Variants in NKD1 observed in about 807,000 individuals in gnomAD.
NKD1 encodes NKD inhibitor of Wnt signaling pathway 1, also known as protein naked cuticle homolog 1.
In NKD1, 21 loss-of-function variants were observed where a neutral mutation model predicts 56.0. The observed-to-expected ratio is 0.38, with a 90% CI of 0.27 to 0.54. The LOEUF (loss-of-function observed/expected upper bound fraction) is 0.54, where lower values mean the gene tolerates loss of function less well. Among genes scored for constraint, NKD1 ranks in the 20% least tolerant of loss-of-function variants. The pLI is 0.82. For synonymous variants in NKD1, 263 were observed against 265.7 expected (o/e 0.99, Z 0.10); for missense variants, 578 against 642.7 (o/e 0.90, Z 1.09).
chr16:50,574,189 C>G (rs1442460212), intron 3 of NKD1: 1 of 983,868 alleles, frequency 1.0e-6, no homozygotes, highest in Non-Finnish European at 1.2e-6. Flanking sequence ...TTCTACCTCA[C>G]CACTACCTCT....
At chr16:50,589,746 TC>T (rs1961315095) in intron 3 of NKD1, among the ~76,000 whole-genome samples, 1 of 94,038 alleles carries the variant, frequency 1.1e-5, no homozygotes, top group Non-Finnish European at 2.1e-5. Flanking sequence ...TCTCTTCTCT[TC>T]TCTTCTCTTC....
intron 3 of NKD1, among the ~76,000 whole-genome samples, chr16:50,568,645 C>T (rs1021125886): frequency 2.6e-5 from 4 of 152,096 alleles, no homozygotes; most frequent in South Asian, 2.1e-4. Flanking sequence ...TGCAGTGGGC[C>T]GGCGCACTGG....
intron 3 of NKD1, chr16:50,573,870 G>A (rs913977253): frequency 2.3e-5 from 23 of 985,400 alleles, no homozygotes; most frequent in Admixed American, 6.1e-5. Flanking sequence ...GAGCAGGGGC[G>A]GGGGTGAGGG....
rs1419982347 is a variant in NKD1 at position 50,641,357 on chromosome 16, C to T, written c.*7576C>T. The stretch of plus-strand genomic sequence containing the variant: ...CCTGCCTTCCTGTCCCCTGCCCACT[C>T]TAAGCCTCCAGAAGTCAATCCTCTG... On this transcript the variant is annotated 3_prime_UTR_variant, in exon 10 of 10. Transcript: ENST00000268459. 1.3e-5 allele frequency: 2 copies of T among 152,344 alleles called. No homozygotes were observed. The highest frequency in any genetic ancestry group is 4.8e-5 in the African/African-American group (2 of 41,470). 9.4% of individuals were successfully genotyped at this position (152,344 alleles called of 1,614,324 possible).
intron 3 of NKD1, among the ~76,000 whole-genome samples, chr16:50,565,039 G>T (rs915966965): frequency 2.6e-5 from 4 of 152,182 alleles, no homozygotes; most frequent in Non-Finnish European, 4.4e-5. Context: ...ATTGGTATTT[G>T]CAGGTTAATT....
In NKD1 at chr16:50,632,140, G is replaced by A. The variant is rs1448158209; in HGVS notation, c.696-141G>A. The A allele has an allele frequency of 4.0e-6, 3 of 753,298 alleles. No individual in the cohort carries two copies. The highest frequency in any genetic ancestry group is 3.5e-5 in the African/African-American group (2 of 56,974). 46.7% of individuals were successfully genotyped at this position (753,298 alleles called of 1,614,324 possible). A position where few individuals can be genotyped will look rare whatever the true frequency, so the allele number is the denominator to read the frequency against. ...GGAGGCACAGTTCGTATAGAGGACT[G>A]TTCCTCCCCACCCTCTCCAAAGGCC... On this transcript the variant is annotated intron_variant, in intron 8 of 9. Coordinates refer to ENST00000268459, the MANE Select transcript of NKD1 (RefSeq NM_033119.5). The surrounding 1 kb of genome is among the most constrained non-coding windows in gnomAD (Gnocchi z 4.1).
At chr16:50,582,290 C>T (rs1961134275) in intron 3 of NKD1, among the ~76,000 whole-genome samples, 1 of 152,184 alleles carries the variant, frequency 6.6e-6, no homozygotes, top group South Asian at 2.1e-4. Context: ...ACAGCAGTCC[C>T]TCAGGTCTGT....
chr16:50,618,771 TC>T (rs1167981618), intron 4 of NKD1, among the ~76,000 whole-genome samples: 1 of 152,132 alleles, frequency 6.6e-6, no homozygotes, highest in Non-Finnish European at 1.5e-5. Flanking sequence ...CCTGTGGATG[TC>T]CGTGTGGCTT....
At chr16:50,594,338 A>G (rs1961429949) in intron 3 of NKD1, among the ~76,000 whole-genome samples, 1 of 152,182 alleles carries the variant, frequency 6.6e-6, no homozygotes, top group Non-Finnish European at 1.5e-5. Flanking sequence ...CCAGCTTGCA[A>G]TTCATTGGCC....
intron 4 of NKD1, among the ~76,000 whole-genome samples, chr16:50,608,605 C>G (rs1246242033): frequency 6.6e-6 from 1 of 152,160 alleles, no homozygotes; most frequent in Non-Finnish European, 1.5e-5. Context: ...TGGCCCTGCA[C>G]CGGATTAGCT....
chr16:50,623,418 C>T lies in NKD1; in HGVS notation c.366+1710C>T, dbSNP rs1962137637. ...CTTCTTCCTGGAGCCCAGCCCCGCC[C>T]TAAGCCCACCTGGGTCCTTGTAGGG... On this transcript the variant is annotated intron_variant, in intron 5 of 9. Coordinates refer to ENST00000268459, the MANE Select transcript of NKD1 (RefSeq NM_033119.5). The surrounding 1 kb of genome is among the most constrained non-coding windows in gnomAD (Gnocchi z 4.1). Among the ~76,000 whole-genome samples, 1 of 152,158 alleles carries T rather than the reference C, an allele frequency of 6.6e-6. No homozygotes were observed. The highest frequency in any genetic ancestry group is 6.5e-5 in the Admixed American group (1 of 15,288).
intron 3 of NKD1, among the ~76,000 whole-genome samples, chr16:50,573,636 G>A (rs993249999): frequency 8.5e-5 from 13 of 152,308 alleles, no homozygotes; most frequent in African/African-American, 3.1e-4. Flanking sequence ...CAGATGTACC[G>A]CTTCCTGAGG....
chr16:50,622,922 T>TGGGGTAAC (rs1555491415), intron 5 of NKD1, among the ~76,000 whole-genome samples: 1 of 151,800 alleles, frequency 6.6e-6, no homozygotes, highest in Admixed American at 6.6e-5. Context: ...CCGAGGGGTG[T>TGGGGTAAC]GGGGTAACGG....
At chr16:50,612,320 G>C (rs1022367267) in intron 4 of NKD1, among the ~76,000 whole-genome samples, 1 of 152,210 alleles carries the variant, frequency 6.6e-6, no homozygotes, top group African/African-American at 2.4e-5. Flanking sequence ...TTCATCTGTA[G>C]TTGGAAAACT....
chr16:50,630,267 C>T lies in NKD1; in HGVS notation c.544C>T (p.Arg182Trp), dbSNP rs377648064. Residue 182 changes from arginine (R) to tryptophan (W), a missense_variant, in exon 7 of 10, where the codon CGG (arginine) becomes TGG (tryptophan). Arg to Trp is a moderately radical substitution (Grantham distance 101). Coordinates refer to ENST00000268459, the MANE Select transcript of NKD1 (RefSeq NM_033119.5). Reference protein sequence around the residue: ...NHSPTSSKMLRVKLTVAPDGS... With the variant: ...NHSPTSSKMLWVKLTVAPDGS... ...CTCCCCAACATCCAGCAAGATGCTG[C>T]GGGTAAAGCTCACCGTGGCCCCCGA... 45 of 1,614,024 alleles carry T rather than the reference C, an allele frequency of 2.8e-5. No homozygotes were observed. The highest frequency in any genetic ancestry group is 3.3e-5 in the Non-Finnish European group (39 of 1,180,002).
At chr16:50,624,199 TG>T (rs1321444007) in intron 5 of NKD1, among the ~76,000 whole-genome samples, 4 of 152,082 alleles carry the variant, frequency 2.6e-5, no homozygotes, top group Non-Finnish European at 5.9e-5. Context: ...AGAATGGTCT[TG>T]TTTCCATAGA....
Position 50,648,042 on chromosome 16 carries a change from C to G in NKD1, c.*14261C>G, listed in dbSNP as rs894353794. ...GCGTCCACCTCTACCTGACACCCTGCCAGCAACCTGGGTGATTTCCGCAGG... is the reference window on the plus strand; with the variant it reads ...GCGTCCACCTCTACCTGACACCCTGGCAGCAACCTGGGTGATTTCCGCAGG... On this transcript the variant is annotated 3_prime_UTR_variant, in exon 10 of 10. Coordinates refer to ENST00000268459, the MANE Select transcript of NKD1 (RefSeq NM_033119.5). The G allele has an allele frequency of 6.6e-6, 1 of 152,294 alleles. No individual in the cohort carries two copies. The highest frequency in any genetic ancestry group is 1.5e-5 in the Non-Finnish European group (1 of 68,056). The allele number at this position is 152,294 out of a possible 1,614,324, so 9.4% of individuals were successfully genotyped here.
At chr16:50,593,128 C>T (rs1207576863) in intron 3 of NKD1, among the ~76,000 whole-genome samples, 1 of 152,134 alleles carries the variant, frequency 6.6e-6, no homozygotes, top group Non-Finnish European at 1.5e-5. Flanking sequence ...GCTCTCCCAT[C>T]GCCCCACACC....
At chr16:50,604,946 G>A (rs1224551212) in intron 3 of NKD1, among the ~76,000 whole-genome samples, 5 of 152,244 alleles carry the variant, frequency 3.3e-5, no homozygotes, top group Non-Finnish European at 1.5e-5. Flanking sequence ...CACTAGAGCT[G>A]CCAGCTGGGC....
Sources: gnomAD v4.1 joint callset for allele counts (sites outside exome capture counted in the v4.1 genomes callset) on GRCh38, gnomAD v4.1.1 for gene constraint, Gnocchi (gnomAD v3.1) non-coding constraint, MANE v1.5 for transcripts, NCBI Gene and HGNC (gene_info 2026-07-23, HGNC 2026-07-21) for gene names.